RHBDF2: variants seen among roughly 807,000 people sequenced by gnomAD.
RHBDF2 encodes rhomboid 5 homolog 2.
In RHBDF2, 38 loss-of-function variants were observed where a neutral mutation model predicts 95.2. The ratio of observed to expected loss-of-function variants is 0.40; its 90% CI spans 0.31 to 0.52. The LOEUF is 0.52. RHBDF2 is among the 20% of genes least tolerant of loss of function. The pLI is 0.56. For synonymous variants in RHBDF2, 442 were observed against 462.0 expected, an observed-to-expected ratio of 0.96 and a Z score of 0.55; for missense variants, 863 against 1,137.7, an observed-to-expected ratio of 0.76 and a Z score of 3.47.
chr17:76,495,398 C>T (rs552075869), intron 1 of RHBDF2, among the ~76,000 whole-genome samples: 3 of 152,348 alleles, frequency 2.0e-5, no homozygotes, highest in East Asian at 1.9e-4. Flanking sequence ...AAATCTGTCC[C>T]GATGGCAGAA....
At chr17:76,488,493 C>A (rs2074205044) in intron 1 of RHBDF2, among the ~76,000 whole-genome samples, 1 of 124,148 alleles carries the variant, frequency 8.1e-6, no homozygotes, top group Admixed American at 7.8e-5. Context: ...GAGGGAGACT[C>A]TGCCTCAAAA....
At chr17:76,491,269 C>T (rs1167628047) in intron 1 of RHBDF2, among the ~76,000 whole-genome samples, 1 of 152,232 alleles carries the variant, frequency 6.6e-6, no homozygotes. Context: ...TTCTAGGGTT[C>T]TGCCCAGCCA....
chr17:76,474,415 A>G lies in RHBDF2; in HGVS notation c.1422T>C (p.Asn474=). 1 of 1,613,934 alleles carries G rather than the reference A, an allele frequency of 6.2e-7. No individual in the cohort carries two copies. The highest frequency in any genetic ancestry group is 8.5e-7 in the Non-Finnish European group (1 of 1,179,972). Reference sequence around the variant, plus strand: ...GGGTCTGGATGCATCCGGAGTGGTCATTCTGGACACAGCAGCCTGAGTCCC... The same window carrying G: ...GGGTCTGGATGCATCCGGAGTGGTCGTTCTGGACACAGCAGCCTGAGTCCC... ...LERDSGCCVQ[N]DHSGCIQTQR... Residue 474 remains asparagine, a synonymous_variant, in exon 12 of 19, where the codon AAT becomes AAC. Transcript: ENST00000675367.
At chr17:76,472,882 T>C in intron 17 of RHBDF2, 43 bp from the exon 18 acceptor site, 1 of 1,577,526 alleles carries the variant, frequency 6.3e-7, no homozygotes. Flanking sequence ...AGCCAGGCAC[T>C]TCAGGAGCAG....
chr17:76,479,379 G>A, intron 4 of RHBDF2, 102 bp from the exon 5 acceptor site: 1 of 1,491,890 alleles, frequency 6.7e-7, no homozygotes, highest in Non-Finnish European at 9.0e-7. Flanking sequence ...CGTGCCTACA[G>A]GGAGGTGGGG....
intron 2 of RHBDF2, among the ~76,000 whole-genome samples, chr17:76,486,670 C>T (rs558836510): frequency 2.1e-5 from 3 of 142,868 alleles, no homozygotes; most frequent in East Asian, 2.0e-4. Context: ...ACCGTGATCG[C>T]GCCACTGTAC....
At position 76,481,475 on chromosome 17, in the gene RHBDF2, C is replaced by T. The variant is rs1356256959; in HGVS notation, c.50G>A (p.Ser17Asn). 6.2e-7 allele frequency: 1 copy of T among 1,611,798 alleles called. No individual in the cohort carries two copies. ...NGGSVSSVSSSRLQSRKPPNL... is the reference protein window; with the variant it reads ...NGGSVSSVSSNRLQSRKPPNL... Reference sequence around the variant, plus strand: ...GGGTGGCTTCCGGCTCTGCAGGCGGCTGCTGGACACAGAGGACACGCTCCC... The same window carrying T: ...GGGTGGCTTCCGGCTCTGCAGGCGGTTGCTGGACACAGAGGACACGCTCCC... Residue 17 changes from serine (S) to asparagine (N), a missense_variant, in exon 3 of 19, where the codon AGC (serine) becomes AAC (asparagine). Coordinates refer to ENST00000675367, the MANE Select transcript of RHBDF2 (RefSeq NM_001005498.4).
intron 9 of RHBDF2, 135 bp downstream of exon 9, chr17:76,476,695 G>T: frequency 7.4e-7 from 1 of 1,351,394 alleles, no homozygotes; most frequent in Non-Finnish European, 9.8e-7. Flanking sequence ...GCGCCTTCGA[G>T]CTTGTCACTA....
In RHBDF2 at chr17:76,478,885, G is replaced by C; in HGVS notation, c.593C>G (p.Ser198Cys). ...LSLTSFTSVR[S>C]GYSHLPRRKR... ...GCGGCGTGGCAGGTGGGAGTAGCCA[G>C]AACGGACACTGGTGAAGGAGGTGAG... The change falls in exon 6 of 19, where the codon TCT (serine) becomes TGT (cysteine). Residue 198 changes from serine (S) to cysteine (C), a missense_variant. Ser to Cys is a moderately radical substitution (Grantham distance 112). This residue lies in a region of RHBDF2 where 611 missense variants were observed against 725.5 expected (regional missense o/e 0.84). Coordinates refer to ENST00000675367, the MANE Select transcript of RHBDF2 (RefSeq NM_001005498.4). The C allele has an allele frequency of 6.2e-7, 1 of 1,613,062 alleles. No individual in the cohort carries two copies. The highest frequency in any genetic ancestry group is 1.1e-5 in the South Asian group (1 of 90,922).
chr17:76,493,330 C>G (rs2074352666), intron 1 of RHBDF2: 2 of 152,256 alleles, frequency 1.3e-5, no homozygotes. Context: ...TACTGCTGAC[C>G]CCGGGGTTTC....
At position 76,471,246 on chromosome 17, in the gene RHBDF2, A is replaced by C; in HGVS notation, c.*387T>G. 1 of 199,124 alleles carries C rather than the reference A, an allele frequency of 5.0e-6. No homozygotes were observed. Among genetic ancestry groups the C allele is most frequent in the Non-Finnish European group, 1.0e-5 (1 of 96,342 alleles). The allele number at this position is 199,124 out of a possible 1,614,324, so 12.3% of individuals were successfully genotyped here. On this transcript the variant is annotated 3_prime_UTR_variant, in exon 19 of 19. Transcript: ENST00000675367. The stretch of plus-strand genomic sequence containing the variant: ...TGAGGGCACAGCCACGTCCCCAGCA[A>C]GGGCACGCTCCAGTAGTAGTGGGGG...
At chr17:76,472,616 G>C (rs757157670) in intron 18 of RHBDF2, 70 bp downstream of exon 18, 50 of 1,598,278 alleles carry the variant, frequency 3.1e-5, no homozygotes, top group Non-Finnish European at 4.3e-5. Context: ...GCAGATCCCA[G>C]GTGGGTGGAA....
At chr17:76,491,779 C>T (rs2074308560) in intron 1 of RHBDF2, among the ~76,000 whole-genome samples, 2 of 152,206 alleles carry the variant, frequency 1.3e-5, no homozygotes, top group Admixed American at 6.5e-5. Context: ...TTCCTTGGGG[C>T]TCAGCGGGGA....
intron 1 of RHBDF2, among the ~76,000 whole-genome samples, chr17:76,494,663 A>G (rs553992941): frequency 6.6e-6 from 1 of 152,272 alleles, no homozygotes; most frequent in African/African-American, 2.4e-5. Context: ...GAGGCAGAAG[A>G]ATCGCTTGAA....
In RHBDF2 at chr17:76,474,059, C is replaced by T. The variant is rs754027229; in HGVS notation, c.1548G>A (p.Ser516=). ...TGGGGTCCTGGTGGCAGACAGCCCC[C>T]GAAGTCCGCTTCTGGCCCAGATCAG... ...DKSDLGQKRT[S]GAVCHQDPRT... The change falls in exon 13 of 19, where the codon TCG becomes TCA. Residue 516 remains serine (S), a synonymous_variant. Transcript: ENST00000675367. 1.7e-5 allele frequency: 27 copies of T among 1,613,260 alleles called. No homozygotes were observed. Among genetic ancestry groups the T allele is most frequent in the South Asian group, 6.6e-5 (6 of 91,056 alleles).
In RHBDF2 at chr17:76,476,844, G is replaced by A; in HGVS notation, c.1101C>T (p.Ser367=). The A allele has an allele frequency of 3.1e-6, 5 of 1,607,052 alleles. No individual in the cohort carries two copies. The highest frequency in any genetic ancestry group is 4.2e-6 in the Non-Finnish European group (5 of 1,177,884). ...CGACACCTCACCGGTGGCTGTCGAA[G>A]CTCTCCAGCTGCCGCTGCACAGTGC... The part of the protein sequence containing the change: ...ISSTVQRQLE[S]FDSHRPYFTY... Residue 367 remains serine, a synonymous_variant, in exon 9 of 19, where the codon AGC becomes AGT. Transcript: ENST00000675367.
intron 2 of RHBDF2, among the ~76,000 whole-genome samples, chr17:76,485,243 A>G (rs2074090594): frequency 1.3e-5 from 2 of 152,242 alleles, no homozygotes; most frequent in South Asian, 4.1e-4. Context: ...GCCTATCTCT[A>G]CTAAAAATAC....
chr17:76,499,632 C>T (rs1249274307), intron 1 of RHBDF2, among the ~76,000 whole-genome samples: 7 of 152,132 alleles, frequency 4.6e-5, no homozygotes, highest in African/African-American at 1.4e-4. Flanking sequence ...GAATTAGGAG[C>T]CCTGATACTC....
At chr17:76,483,529 C>A (rs546249894) in intron 2 of RHBDF2, among the ~76,000 whole-genome samples, 2 of 152,214 alleles carry the variant, frequency 1.3e-5, no homozygotes, top group East Asian at 3.8e-4. Flanking sequence ...AGGTGATCCA[C>A]CTGCCTCGGC....
Sources: allele counts gnomAD v4.1 joint callset (sites outside exome capture counted in the v4.1 genomes callset), GRCh38; gene constraint gnomAD v4.1.1; regional missense constraint gnomAD v4.1.1; transcripts MANE v1.5; gene names NCBI Gene and HGNC (gene_info 2026-07-23, HGNC 2026-07-21).